The following WDR7 variants were observed in gnomAD, a reference collection of about 807,000 sequenced individuals.
The protein encoded by WDR7 is WD repeat domain 7.
Under a neutral mutation model 169.4 loss-of-function variants are expected in WDR7, and 46 were observed. The ratio of observed to expected loss-of-function variants is 0.27; its 90% CI spans 0.21 to 0.35. WDR7 has a LOEUF of 0.35. WDR7 is among the 10% of genes least tolerant of loss of function. The pLI is 1.00. For synonymous variants in WDR7, 612 were observed against 666.8 expected (o/e 0.92, Z 1.27); for missense variants, 1,534 against 1,859.3 (o/e 0.83, Z 3.22).
downstream of WDR7, chr18:57,032,468 A>T (rs1787478): frequency 0.9 from 137,224 of 152,244 alleles, 62,033 homozygotes; most frequent in East Asian, 0.99. Context: ...CTGATATCAG[A>T]CTGTGGCCTG....
At chr18:56,993,314 A>G (rs926879085) in intron 26 of WDR7, among the ~76,000 whole-genome samples, 2 of 152,198 alleles carry the variant, frequency 1.3e-5, no homozygotes, top group African/African-American at 4.8e-5. Flanking sequence ...AGCTCTTATC[A>G]AAAAACAATT....
intron 2 of WDR7, 90 bp downstream of exon 2, chr18:56,672,764 C>T (rs2025164672): frequency 2.4e-6 from 3 of 1,250,258 alleles, no homozygotes; most frequent in Non-Finnish European, 2.1e-6. Flanking sequence ...CTTTTGGGCC[C>T]ACAGTAGATT....
At chr18:56,793,977 C>T (rs527243079) in intron 19 of WDR7, among the ~76,000 whole-genome samples, 37 of 152,158 alleles carry the variant, frequency 2.4e-4, no homozygotes, top group Middle Eastern at 3.4e-3. Context: ...TATTTCTCTT[C>T]GAGTTGCTGC....
intron 26 of WDR7, among the ~76,000 whole-genome samples, chr18:57,006,126 G>A (rs976047554): frequency 8.5e-5 from 13 of 152,136 alleles, no homozygotes; most frequent in African/African-American, 2.2e-4. Context: ...AGCATGCATA[G>A]TATTAAAGTG....
intron 26 of WDR7, among the ~76,000 whole-genome samples, chr18:56,996,208 TTCA>T (rs1274251516): frequency 6.6e-6 from 1 of 152,224 alleles, no homozygotes; most frequent in Admixed American, 6.5e-5. Context: ...TCCTAAATTG[TTCA>T]TCAAGCATCT....
intron 8 of WDR7, 58 bp from the exon 9 acceptor site, chr18:56,691,657 A>G (rs749829581): frequency 2.7e-5 from 39 of 1,436,550 alleles, no homozygotes; most frequent in Non-Finnish European, 3.6e-5. Flanking sequence ...GTCATATGGA[A>G]TTATAAAGTA....
At chr18:56,814,592 A>G (rs886803240) in intron 19 of WDR7, among the ~76,000 whole-genome samples, 2 of 152,172 alleles carry the variant, frequency 1.3e-5, no homozygotes, top group African/African-American at 2.4e-5. Flanking sequence ...AACATTGAGT[A>G]CAGATGGACA....
intron 25 of WDR7, among the ~76,000 whole-genome samples, chr18:56,950,474 A>C (rs2145735129): frequency 1.3e-5 from 2 of 152,270 alleles, no homozygotes; most frequent in South Asian, 2.1e-4. Flanking sequence ...TTTTATGAAA[A>C]TTGTTTTGAT....
chr18:56,914,608 A>G (rs1010164359), intron 21 of WDR7, among the ~76,000 whole-genome samples: 1 of 152,110 alleles, frequency 6.6e-6, no homozygotes, highest in Non-Finnish European at 1.5e-5. Context: ...GGGATATAGA[A>G]GTGTTCGGAC....
chr18:56,745,548 T>G (rs984643491), intron 14 of WDR7, among the ~76,000 whole-genome samples: 4 of 152,074 alleles, frequency 2.6e-5, no homozygotes, highest in Non-Finnish European at 5.9e-5. Context: ...GGGTTTTCAC[T>G]CCTATGAGAA....
intron 12 of WDR7, among the ~76,000 whole-genome samples, chr18:56,700,751 A>G (rs1351019952): frequency 6.7e-6 from 1 of 149,006 alleles, no homozygotes. Context: ...TTGTATTTTT[A>G]GTAGAGACGG....
chr18:56,911,747 C>G (rs941174373), intron 21 of WDR7, among the ~76,000 whole-genome samples: 1 of 152,114 alleles, frequency 6.6e-6, no homozygotes, highest in Non-Finnish European at 1.5e-5. Context: ...TATAAGATCA[C>G]TTTGAGATTT....
At chr18:56,719,561 CA>C (rs58285674) in intron 13 of WDR7, among the ~76,000 whole-genome samples, 53,858 of 106,080 alleles carry the variant, frequency 0.51, 11,093 homozygotes, top group East Asian at 0.69. Context: ...GACTCTGTCT[CA>C]AAAAAAAAAA....
At chr18:56,908,147 G>T (rs1458450426) in intron 21 of WDR7, among the ~76,000 whole-genome samples, 1 of 152,110 alleles carries the variant, frequency 6.6e-6, no homozygotes, top group Non-Finnish European at 1.5e-5. Flanking sequence ...AATTGATCTT[G>T]CTTTCACATT....
At chr18:56,753,302 A>C (rs1407351657) in intron 14 of WDR7, 1 of 152,176 alleles carries the variant, frequency 6.6e-6, no homozygotes, top group Non-Finnish European at 1.5e-5. Context: ...AATTAGTTCT[A>C]AACACCACTA....
chr18:56,694,407 A>T (rs1255106873), intron 9 of WDR7, among the ~76,000 whole-genome samples: 2 of 152,194 alleles, frequency 1.3e-5, no homozygotes, highest in Non-Finnish European at 2.9e-5. Context: ...GTTTCATTCA[A>T]TGTGTGTGTT....
chr18:56,973,833 A>C (rs543996470), intron 26 of WDR7, among the ~76,000 whole-genome samples: 1 of 152,236 alleles, frequency 6.6e-6, no homozygotes, highest in Non-Finnish European at 1.5e-5. Context: ...GAAGAGGCAC[A>C]TACCTGGTAC....
At chr18:56,984,001 T>C (rs2145837694) in intron 26 of WDR7, among the ~76,000 whole-genome samples, 1 of 148,050 alleles carries the variant, frequency 6.8e-6, no homozygotes, top group South Asian at 2.1e-4. Flanking sequence ...TGAGGAATGT[T>C]TACAGTTATC....
rs932790865 is a variant in WDR7, at chr18:56,851,555, T to C, written c.3305-28389T>C. ...TTTCTAGATTTTGATCTCATTGCAT[T>C]TTGATGACCTACCAAAGCACCCAGC... On this transcript the variant is annotated intron_variant, in intron 20 of 27. Transcript: ENST00000254442. 3.3e-5 allele frequency among the ~76,000 whole-genome samples: 5 copies of C among 152,176 alleles called. No homozygotes were observed. The East Asian group carries it at 9.6e-4, about 29-fold the overall frequency.
Sources: allele counts gnomAD v4.1 joint callset (sites outside exome capture counted in the v4.1 genomes callset), GRCh38; gene constraint gnomAD v4.1.1; transcripts MANE v1.5; gene names NCBI Gene and HGNC (gene_info 2026-07-23, HGNC 2026-07-21).